Variants in PARD3B observed in about 807,000 individuals in gnomAD.
PARD3B encodes the protein par-3 family cell polarity regulator beta.
Under a neutral mutation model 130.2 loss-of-function variants are expected in PARD3B, and 103 were observed. The observed-to-expected ratio is 0.79, with a 90% CI of 0.67 to 0.93. The LOEUF is 0.93. PARD3B is among the 40% of genes least tolerant of loss of function. The pLI, the probability that PARD3B is intolerant of heterozygous loss-of-function variation, is 0.00. For missense variants in PARD3B, 1,609 were observed against 1,499.2 expected (o/e 1.07, Z -1.21); for synonymous variants, 583 against 553.2 (o/e 1.05, Z -0.76).
rs1207440563 is a variant in PARD3B, at chr2:205,268,904, A to G, written c.2185+23082A>G. On this transcript the variant is annotated intron_variant, in intron 16 of 22. Coordinates refer to ENST00000406610, the MANE Select transcript of PARD3B (RefSeq NM_001302769.2). The surrounding 1 kb of genome is among the most constrained non-coding windows in gnomAD (Gnocchi z 4.1). ...GTCTTACCAGTGATGTTATTTGCGG[A>G]CTAAAGTTTCTCAAAAGGAAGAAAA... Among the ~76,000 whole-genome samples, 1 of 152,188 alleles carries G rather than the reference A, an allele frequency of 6.6e-6. No homozygotes were observed. Among genetic ancestry groups the G allele is most frequent in the Non-Finnish European group, 1.5e-5 (1 of 68,008 alleles).
At chr2:205,413,415 A>C (rs1252727911) in intron 19 of PARD3B, among the ~76,000 whole-genome samples, 4 of 152,138 alleles carry the variant, frequency 2.6e-5, no homozygotes, top group Non-Finnish European at 5.9e-5. Context: ...GATCTAATAC[A>C]TTATGTTTCA....
chr2:205,058,514 C>T (rs1430001326), intron 4 of PARD3B, among the ~76,000 whole-genome samples: 1 of 151,880 alleles, frequency 6.6e-6, no homozygotes, highest in African/African-American at 2.4e-5. Context: ...GAGGAACCAC[C>T]AAATTCTTTT....
rs143438143 is a variant in PARD3B at position 205,542,354 on chromosome 2, T to TTGTGTGTGTGTGTG, written c.3181-10954_3181-10941dup. On this transcript the variant is annotated intron_variant, in intron 21 of 22. Coordinates refer to ENST00000406610, the MANE Select transcript of PARD3B (RefSeq NM_001302769.2). The stretch of plus-strand genomic sequence containing the variant: ...CAGGAAACTATTCAGTAGTTTGTGT[T>TTGTGTGTGTGTGTG]TGTGTGTGTGTGTGTGTGTGTGTGT... 1.2e-3 allele frequency among the ~76,000 whole-genome samples: 181 copies of TTGTGTGTGTGTGTG among 145,198 alleles called. 2 individuals carry two copies. Among genetic ancestry groups the TTGTGTGTGTGTGTG allele is most frequent in the African/African-American group, 4.0e-3 (157 of 38,886 alleles).
At chr2:204,593,640 T>C (rs1210975286) in intron 1 of PARD3B, among the ~76,000 whole-genome samples, 5 of 152,218 alleles carry the variant, frequency 3.3e-5, no homozygotes, top group Non-Finnish European at 5.9e-5. Context: ...CTCTATTTAA[T>C]TTTCTAGGTA....
At chr2:205,448,529 G>A (rs2047985980) in intron 20 of PARD3B, among the ~76,000 whole-genome samples, 2 of 152,068 alleles carry the variant, frequency 1.3e-5, no homozygotes, top group African/African-American at 2.4e-5. Context: ...ATATTTACTT[G>A]TTAGGGTTAG....
intron 19 of PARD3B, among the ~76,000 whole-genome samples, chr2:205,406,853 T>G (rs2046432133): frequency 6.6e-6 from 1 of 151,936 alleles, no homozygotes; most frequent in Admixed American, 6.6e-5. Flanking sequence ...GTATTTTTAG[T>G]AGAGATGGGG....
intron 18 of PARD3B, among the ~76,000 whole-genome samples, chr2:205,332,558 A>G (rs1337929385): frequency 6.6e-6 from 1 of 152,140 alleles, no homozygotes; most frequent in Non-Finnish European, 1.5e-5. Flanking sequence ...GTGGTCTTCT[A>G]CTTTTTGCCA....
intron 2 of PARD3B, among the ~76,000 whole-genome samples, chr2:204,691,398 G>A (rs924020628): frequency 6.6e-6 from 1 of 152,056 alleles, no homozygotes; most frequent in Non-Finnish European, 1.5e-5. Flanking sequence ...ATCCTAGGGG[G>A]CTAGTTTGGA....
intron 1 of PARD3B, among the ~76,000 whole-genome samples, chr2:204,629,667 G>A (rs562075304): frequency 2.6e-5 from 4 of 151,808 alleles, no homozygotes; most frequent in African/African-American, 9.7e-5. Flanking sequence ...TGGGCCAGAC[G>A]TAGTGCTAAG....
intron 2 of PARD3B, among the ~76,000 whole-genome samples, chr2:204,703,342 G>A (rs2037983164): frequency 6.6e-6 from 1 of 152,172 alleles, no homozygotes; most frequent in South Asian, 2.1e-4. Context: ...CCATGAGGCT[G>A]TATCCATTAT....
At chr2:204,594,697 T>G (rs2033213031) in intron 1 of PARD3B, among the ~76,000 whole-genome samples, 1 of 152,218 alleles carries the variant, frequency 6.6e-6, no homozygotes, top group South Asian at 2.1e-4. Flanking sequence ...AAGTCATTTT[T>G]CTTTTTTTTC....
chr2:204,720,703 G>T (rs1051978486), intron 2 of PARD3B, among the ~76,000 whole-genome samples: 1 of 152,140 alleles, frequency 6.6e-6, no homozygotes, highest in Non-Finnish European at 1.5e-5. Flanking sequence ...GGTGATTGGT[G>T]TAAGAACCTT....
chr2:205,267,010 G>A (rs115895828), intron 16 of PARD3B, among the ~76,000 whole-genome samples: 1 of 152,178 alleles, frequency 6.6e-6, no homozygotes, highest in South Asian at 2.1e-4. Flanking sequence ...AGAAAAAAAG[G>A]CATTCCTCTC....
intron 19 of PARD3B, among the ~76,000 whole-genome samples, chr2:205,429,683 C>T (rs2047262579): frequency 6.6e-6 from 1 of 152,122 alleles, no homozygotes; most frequent in African/African-American, 2.4e-5. Flanking sequence ...GTGTATGACA[C>T]AATTTGAAGC....
At chr2:205,395,717 A>G (rs2046005150) in intron 18 of PARD3B, among the ~76,000 whole-genome samples, 1 of 152,150 alleles carries the variant, frequency 6.6e-6, no homozygotes, top group African/African-American at 2.4e-5. Flanking sequence ...CGATTCCTGC[A>G]GGGATCCCCA....
At chr2:204,850,242 T>C (rs892220907) in intron 2 of PARD3B, among the ~76,000 whole-genome samples, 3 of 152,184 alleles carry the variant, frequency 2.0e-5, no homozygotes, top group African/African-American at 4.8e-5. Context: ...TATTCCTGTT[T>C]TGTTACTTTT....
chr2:205,433,117 G>A lies in PARD3B; in HGVS notation c.2742-7253G>A, dbSNP rs952159673. Among the ~76,000 whole-genome samples, 9 of 152,114 alleles carry A rather than the reference G, an allele frequency of 5.9e-5. 1 individual carries two copies. The highest frequency in any genetic ancestry group is 2.2e-4 in the African/African-American group (9 of 41,428). On this transcript the variant is annotated intron_variant, in intron 19 of 22. Coordinates refer to ENST00000406610, the MANE Select transcript of PARD3B (RefSeq NM_001302769.2). ...GTTATAATAACTGCTTTTAGATAATGCATTTAAAAGAGAATTATATATAAC... is the reference window on the plus strand; with the variant it reads ...GTTATAATAACTGCTTTTAGATAATACATTTAAAAGAGAATTATATATAAC...
At chr2:204,707,914 A>G (rs1430538952) in intron 2 of PARD3B, among the ~76,000 whole-genome samples, 4 of 152,114 alleles carry the variant, frequency 2.6e-5, no homozygotes, top group Non-Finnish European at 4.4e-5. Flanking sequence ...CTCTACCCAG[A>G]GGCGGCCACG....
At chr2:205,186,670 C>G (rs1182621992) in intron 14 of PARD3B, among the ~76,000 whole-genome samples, 1 of 152,082 alleles carries the variant, frequency 6.6e-6, no homozygotes, top group South Asian at 2.1e-4. Flanking sequence ...GTATAGCTAA[C>G]TGTATTAGGT....
Sources: gnomAD v4.1 joint callset for allele counts (sites outside exome capture counted in the v4.1 genomes callset) on GRCh38, gnomAD v4.1.1 for gene constraint, Gnocchi (gnomAD v3.1) non-coding constraint, MANE v1.5 for transcripts, NCBI Gene and HGNC (gene_info 2026-07-23, HGNC 2026-07-21) for gene names.